The following NRG1 variants were observed in gnomAD, a reference collection of about 807,000 sequenced individuals.
NRG1 encodes the protein neuregulin 1.
A neutral mutation model predicts 63.8 loss-of-function variants in NRG1; 18 were observed. That is an observed-to-expected ratio of 0.28 (90% CI 0.19 to 0.42). The LOEUF (loss-of-function observed/expected upper bound fraction) is 0.42. Ranked by LOEUF, NRG1 falls within the 10% of genes least tolerant of loss-of-function variation. The pLI is 1.00. For synonymous variants in NRG1, 302 were observed against 301.3 expected (o/e 1.00, Z -0.02); for missense variants, 762 against 814.7 (o/e 0.94, Z 0.79).
intron 1 of NRG1, among the ~76,000 whole-genome samples, chr8:32,031,539 G>A (rs1433142044): frequency 1.3e-5 from 2 of 152,164 alleles, no homozygotes; most frequent in African/African-American, 2.4e-5. Flanking sequence ...AGTCTCTGTG[G>A]TCTATTTTAT....
At chr8:32,456,581 T>C (rs1243136186) in intron 1 of NRG1, among the ~76,000 whole-genome samples, 1 of 152,222 alleles carries the variant, frequency 6.6e-6, no homozygotes, top group Non-Finnish European at 1.5e-5. Flanking sequence ...CTCTTCCTTA[T>C]GATTTTCTCA....
intron 1 of NRG1, among the ~76,000 whole-genome samples, chr8:32,096,806 C>G (rs1182826233): frequency 6.6e-6 from 1 of 152,216 alleles, no homozygotes; most frequent in Non-Finnish European, 1.5e-5. Context: ...GGTTTCACAT[C>G]TATGACCCAA....
At chr8:32,428,671 G>C (rs899210117) in intron 1 of NRG1, among the ~76,000 whole-genome samples, 1 of 152,142 alleles carries the variant, frequency 6.6e-6, no homozygotes, top group Non-Finnish European at 1.5e-5. Flanking sequence ...GAGGTGTCAC[G>C]ACTCAGCAAG....
intron 1 of NRG1, among the ~76,000 whole-genome samples, chr8:31,989,305 A>T (rs932010709): frequency 1.5e-4 from 20 of 130,842 alleles, no homozygotes; most frequent in African/African-American, 4.9e-4. Context: ...AAATTATACA[A>T]CAGGATCCAT....
At chr8:31,692,722 G>A (rs1277937130) in intron 1 of NRG1, among the ~76,000 whole-genome samples, 1 of 152,132 alleles carries the variant, frequency 6.6e-6, no homozygotes, top group Non-Finnish European at 1.5e-5. Flanking sequence ...CATACTTCAC[G>A]AAGTAAATTA....
At chr8:31,947,918 T>A (rs1802842803) in intron 1 of NRG1, among the ~76,000 whole-genome samples, 1 of 131,900 alleles carries the variant, frequency 7.6e-6, no homozygotes, top group Non-Finnish European at 1.5e-5. Context: ...GCGCTCCAGC[T>A]TGGGCTACAG....
rs568614079 is a variant in NRG1 at position 32,667,028 on chromosome 8, C to T, written c.502+50143C>T. On this transcript the variant is annotated intron_variant, in intron 5 of 11. Coordinates refer to ENST00000356819, the Ensembl canonical transcript of NRG1. The stretch of plus-strand genomic sequence containing the variant: ...TGACAAGGATATGTTCTAAGAAATA[C>T]GTCATTGGACCATTTCATCGCTGTA... Among the ~76,000 whole-genome samples the T allele has an allele frequency of 9.2e-5, 14 of 152,274 alleles. No homozygotes were observed. In the Middle Eastern group the frequency reaches 0.01, roughly 111 times the overall value.
At chr8:32,600,619 CATTA>C (rs1251208032) in intron 2 of NRG1, among the ~76,000 whole-genome samples, 1 of 152,032 alleles carries the variant, frequency 6.6e-6, no homozygotes, top group Non-Finnish European at 1.5e-5. Flanking sequence ...AATCACTTCA[CATTA>C]ATTTATTTTT....
chr8:32,243,319 A>T (rs572649679), intron 1 of NRG1, among the ~76,000 whole-genome samples: 4 of 151,820 alleles, frequency 2.6e-5, no homozygotes, highest in South Asian at 2.1e-4. Flanking sequence ...AGCTATTTCT[A>T]CTCAGGAGGC....
chr8:31,697,389 A>G (rs1585738884), intron 1 of NRG1, among the ~76,000 whole-genome samples: 1 of 152,342 alleles, frequency 6.6e-6, no homozygotes, highest in East Asian at 1.9e-4. Context: ...AGCTATAATG[A>G]CAGTCTTGGG....
chr8:32,037,058 A>C (rs1824676), intron 1 of NRG1, among the ~76,000 whole-genome samples: 48,186 of 152,152 alleles, frequency 0.32, 9,309 homozygotes, highest in East Asian at 0.66. Context: ...ATTCTTTCTC[A>C]TCTGCATGGG....
At chr8:32,733,400 C>CA (rs1414348419) in intron 6 of NRG1, among the ~76,000 whole-genome samples, 1 of 151,790 alleles carries the variant, frequency 6.6e-6, no homozygotes, top group Admixed American at 6.6e-5. Flanking sequence ...CTATGGGAGA[C>CA]AAAATCACAG....
chr8:32,531,075 G>A (rs1184840502), intron 1 of NRG1, among the ~76,000 whole-genome samples: 1 of 152,024 alleles, frequency 6.6e-6, no homozygotes, highest in Non-Finnish European at 1.5e-5. Flanking sequence ...TCCAGCATGG[G>A]TGGCAGAATG....
chr8:32,308,774 A>G (rs1458813611), intron 1 of NRG1, among the ~76,000 whole-genome samples: 11 of 152,216 alleles, frequency 7.2e-5, no homozygotes, highest in African/African-American at 2.4e-4. Context: ...CAATTAAAAA[A>G]GGGGGAAAAT....
intron 1 of NRG1, among the ~76,000 whole-genome samples, chr8:32,566,005 A>T (rs950523414): frequency 8.5e-5 from 13 of 152,128 alleles, no homozygotes; most frequent in African/African-American, 3.1e-4. Context: ...ACACCTAGGC[A>T]TGTAGAAACC....
intron 1 of NRG1, among the ~76,000 whole-genome samples, chr8:32,409,796 T>C (rs1814630121): frequency 6.6e-6 from 1 of 152,206 alleles, no homozygotes; most frequent in Non-Finnish European, 1.5e-5. Context: ...GGTGATGACA[T>C]TGACTCTCTT....
At chr8:32,253,478 T>C (rs1002301828) in intron 1 of NRG1, among the ~76,000 whole-genome samples, 1 of 152,244 alleles carries the variant, frequency 6.6e-6, no homozygotes, top group Non-Finnish European at 1.5e-5. Flanking sequence ...GTTCTGCTTA[T>C]GTGATGGATT....
intron 1 of NRG1, among the ~76,000 whole-genome samples, chr8:32,212,999 T>A (rs1844845387): frequency 6.6e-6 from 1 of 152,204 alleles, no homozygotes; most frequent in Non-Finnish European, 1.5e-5. Flanking sequence ...TTATCACCAG[T>A]TCCCCTAAAC....
chr8:32,328,266 C>T (rs1802239339), intron 1 of NRG1, among the ~76,000 whole-genome samples: 1 of 152,088 alleles, frequency 6.6e-6, no homozygotes, highest in African/African-American at 2.4e-5. Flanking sequence ...CGAAGCTTTC[C>T]AAGGCAATTA....
Sources: gnomAD v4.1 joint callset for allele counts (sites outside exome capture counted in the v4.1 genomes callset) on GRCh38, gnomAD v4.1.1 for gene constraint, MANE v1.5 for transcripts, NCBI Gene and HGNC (gene_info 2026-07-23, HGNC 2026-07-21) for gene names.